Variants in NHSL2 observed in about 807,000 individuals in gnomAD.
The protein encoded by NHSL2 is NHS like 2, also known as NHS-like protein 2.
Under a neutral mutation model 53.4 loss-of-function variants are expected in NHSL2, and 27 were observed. The observed-to-expected ratio is 0.51, with a 90% CI of 0.37 to 0.70. NHSL2 has a LOEUF of 0.70. NHSL2 is among the 30% of genes least tolerant of loss of function. NHSL2 has a pLI of 0.00. For missense variants in NHSL2, 892 were observed against 980.1 expected (o/e 0.91, Z 1.20); for synonymous variants, 408 against 404.1 (o/e 1.01, Z -0.12).
chrX:71,980,082 A>T (rs1387289684), intron 1 of NHSL2, among the ~76,000 whole-genome samples: 1 of 111,442 alleles, frequency 9.0e-6, no homozygotes, highest in African/African-American at 3.3e-5. Context: ...AGATGTGTGG[A>T]ATTATTTCTG....
At chrX:72,064,711 C>T (rs1029449976) in intron 1 of NHSL2, among the ~76,000 whole-genome samples, 1 of 112,326 alleles carries the variant, frequency 8.9e-6, no homozygotes, top group African/African-American at 3.2e-5. Flanking sequence ...TGAGTTGCTT[C>T]TTTCGGGCCT....
At chrX:71,974,079 G>A (rs7474004) in intron 1 of NHSL2, among the ~76,000 whole-genome samples, 3,435 of 112,072 alleles carry the variant, frequency 0.031, 139 homozygotes, top group African/African-American at 0.11. Context: ...CTTACTGTGT[G>A]CTCTGAGGAA....
At chrX:71,941,879 G>T (rs997943745) in intron 1 of NHSL2, among the ~76,000 whole-genome samples, 2 of 111,517 alleles carry the variant, frequency 1.8e-5, no homozygotes, top group African/African-American at 6.5e-5. Flanking sequence ...GGCTCTAAAG[G>T]CCCAAAGCCT....
chrX:71,968,018 C>A, intron 1 of NHSL2, among the ~76,000 whole-genome samples: 1 of 106,465 alleles, frequency 9.4e-6, no homozygotes. Flanking sequence ...TTTTAAGAGA[C>A]AGGGTCTCTG....
Position 72,145,659 on chromosome X carries a change from C to T in NHSL2, c.*2085C>T, listed in dbSNP as rs2042458690. ...AAATGAAGGAGCGTTTGTGCTTTTG[C>T]TTAGCAAAAATGAAAGGACACCAGG... On this transcript the variant is annotated 3_prime_UTR_variant, in exon 8 of 8. Transcript: ENST00000633930. 8.9e-6 allele frequency: 1 copy of T among 112,634 alleles called. No homozygotes were observed. The highest frequency in any genetic ancestry group is 9.4e-5 in the Admixed American group (1 of 10,676). The allele number at this position is 112,634 out of a possible 1,213,427, so 9.3% of individuals were successfully genotyped here.
At chrX:72,022,631 C>T (rs1359549817) in intron 1 of NHSL2, among the ~76,000 whole-genome samples, 3 of 111,443 alleles carry the variant, frequency 2.7e-5, no homozygotes, top group Non-Finnish European at 5.7e-5. Context: ...CTAATCACCT[C>T]CCAAAGGCCC....
intron 1 of NHSL2, among the ~76,000 whole-genome samples, chrX:72,078,807 T>C (rs940044879): frequency 4.4e-5 from 5 of 112,497 alleles, no homozygotes; most frequent in Non-Finnish European, 9.4e-5. Context: ...CCTCAGTCTT[T>C]TTATATGGCT....
chrX:72,006,561 G>A (rs1190698088), intron 1 of NHSL2, among the ~76,000 whole-genome samples: 2 of 112,130 alleles, frequency 1.8e-5, no homozygotes, highest in Admixed American at 1.9e-4. Flanking sequence ...TCCCACCTCT[G>A]TGCACCCTCC....
rs769080105 is a variant in NHSL2, at chrX:72,086,925, T to C, written c.281-45154T>C. ...CCTATCAGTTCCACTTCTAGGTATA[T>C]ACCCAAAAGAAGTGAAAACAGAGAC... On this transcript the variant is annotated intron_variant, in intron 1 of 7. Transcript: ENST00000633930. 1.3e-4 allele frequency among the ~76,000 whole-genome samples: 15 copies of C among 111,677 alleles called. No homozygotes were observed. In the Middle Eastern group the frequency reaches 0.018, roughly 137 times the overall value.
intron 1 of NHSL2, among the ~76,000 whole-genome samples, chrX:72,103,887 C>T (rs1056380543): frequency 2.7e-5 from 3 of 112,498 alleles, no homozygotes; most frequent in African/African-American, 9.7e-5. Flanking sequence ...ACCCAGTGCC[C>T]GAGTACCAGT....
chrX:71,936,160 T>G (rs1415361163), intron 1 of NHSL2, among the ~76,000 whole-genome samples: 3 of 111,706 alleles, frequency 2.7e-5, no homozygotes, highest in Admixed American at 9.4e-5. Flanking sequence ...AGTGGCTGTG[T>G]TAGGCTTTGA....
In NHSL2 at chrX:71,944,995, A is replaced by G. The variant is rs959191249; in HGVS notation, c.280+33628A>G. On this transcript the variant is annotated intron_variant, in intron 1 of 7. Coordinates refer to ENST00000633930, the MANE Select transcript of NHSL2 (RefSeq NM_001013627.3). ...AAAGGCAGAAAAAAATAGTAGGTAC[A>G]TACTGGCTGTGTAAAATGTACATGT... Among the ~76,000 whole-genome samples the G allele has an allele frequency of 2.7e-5, 3 of 112,238 alleles. No homozygotes were observed. In the South Asian group the frequency reaches 1.1e-3, roughly 42 times the overall value.
chrX:71,971,301 T>C (rs1407105104), intron 1 of NHSL2, among the ~76,000 whole-genome samples: 1 of 112,266 alleles, frequency 8.9e-6, no homozygotes, highest in Non-Finnish European at 1.9e-5. Context: ...TATAGCTCCC[T>C]TCCCCATTTT....
rs1331116752 is a variant in NHSL2, at chrX:71,963,983, A to ATGTG, written c.280+52617_280+52618insGTGT. 1.1e-4 allele frequency among the ~76,000 whole-genome samples: 7 copies of ATGTG among 65,386 alleles called. No homozygotes were observed. In the East Asian group the frequency reaches 2.1e-3, roughly 20 times the overall value. The allele number at this position is 65,386 out of a possible 115,157, so 56.8% of individuals were successfully genotyped here. On this transcript the variant is annotated intron_variant, in intron 1 of 7. Coordinates refer to ENST00000633930, the MANE Select transcript of NHSL2 (RefSeq NM_001013627.3). The stretch of plus-strand genomic sequence containing the variant: ...TACACATATATATATACATATATAT[A>ATGTG]TATATATATGTATATACATATATAT...
chrX:72,021,768 G>A (rs1441476268), intron 1 of NHSL2, among the ~76,000 whole-genome samples: 4 of 111,354 alleles, frequency 3.6e-5, no homozygotes, highest in Non-Finnish European at 7.5e-5. Context: ...ATTTTCATTC[G>A]GTAGCTCCTC....
At chrX:72,009,547 T>C (rs1446115124) in intron 1 of NHSL2, among the ~76,000 whole-genome samples, 2 of 112,513 alleles carry the variant, frequency 1.8e-5, no homozygotes, top group African/African-American at 3.2e-5. Context: ...ACTGGAATGT[T>C]TGTTACCTTT....
rs1243902542 is a variant in NHSL2 at position 72,138,698 on chromosome X, A to G, written c.1150A>G (p.Thr384Ala). 2.5e-6 allele frequency: 3 copies of G among 1,200,445 alleles called. No individual in the cohort carries two copies. Among genetic ancestry groups the G allele is most frequent in the African/African-American group, 1.7e-5 (1 of 57,717 alleles). ...YSVPSSCNGPTESTFSTSWKG... is the reference protein window; with the variant it reads ...YSVPSSCNGPAESTFSTSWKG... The stretch of plus-strand genomic sequence containing the variant: ...TGTCCCCAGTTCTTGCAATGGACCT[A>G]CAGAATCAACCTTCTCCACTTCCTG... The change falls in exon 6 of 8, where the codon ACA (threonine) becomes GCA (alanine). Residue 384 changes from threonine (T) to alanine (A), a missense_variant. Transcript: ENST00000633930.
intron 1 of NHSL2, among the ~76,000 whole-genome samples, chrX:72,075,038 C>T (rs1201232949): frequency 8.9e-6 from 1 of 112,028 alleles, no homozygotes; most frequent in Non-Finnish European, 1.9e-5. Context: ...ATATCATTTC[C>T]CTGAGCCAGC....
intron 1 of NHSL2, among the ~76,000 whole-genome samples, chrX:72,113,849 G>A (rs998774281): frequency 3.6e-5 from 4 of 112,115 alleles, no homozygotes; most frequent in African/African-American, 9.7e-5. Context: ...CTGGGGAGGA[G>A]CCCCCGTCTG....
Sources: allele counts gnomAD v4.1 joint callset (sites outside exome capture counted in the v4.1 genomes callset), GRCh38; gene constraint gnomAD v4.1.1; transcripts MANE v1.5; gene names NCBI Gene and HGNC (gene_info 2026-07-23, HGNC 2026-07-21).